Variants in CLDN16 observed in about 807,000 individuals in gnomAD.
CLDN16 encodes claudin 16, also known as claudin-16.
CLDN16 carries 13 observed loss-of-function variants against 24.6 expected under a neutral mutation model. The ratio of observed to expected loss-of-function variants is 0.53; its 90% CI spans 0.34 to 0.84. The LOEUF is 0.84. Ranked by LOEUF, CLDN16 falls within the 40% of genes least tolerant of loss-of-function variation. The probability of loss-of-function intolerance (pLI) is 0.01; values close to 1 mark genes in which losing one functional copy is unlikely to be tolerated. For missense variants in CLDN16, 298 were observed against 292.7 expected (o/e 1.02, Z -0.13); for synonymous variants, 116 against 106.7 (o/e 1.09, Z -0.54).
At chr3:190,353,477 T>C (rs1360576160) in intron 1 of CLDN16, among the ~76,000 whole-genome samples, 1 of 152,060 alleles carries the variant, frequency 6.6e-6, no homozygotes, top group Non-Finnish European at 1.5e-5. Flanking sequence ...CCCAGGAATA[T>C]GTATATTTAA....
chr3:190,408,009 T>C (rs1202036531), intron 3 of CLDN16, among the ~76,000 whole-genome samples: 1 of 152,180 alleles, frequency 6.6e-6, no homozygotes, highest in Non-Finnish European at 1.5e-5. Context: ...TAACATGGCA[T>C]TGGAAAGACA....
chr3:190,342,336 G>A (rs193232327), intron 1 of CLDN16, among the ~76,000 whole-genome samples: 2 of 152,260 alleles, frequency 1.3e-5, no homozygotes, highest in East Asian at 1.9e-4. Flanking sequence ...GAAGGTGAAA[G>A]GCACATCTCA....
chr3:190,294,895 C>G, the CLDN16 span, among the ~76,000 whole-genome samples: 4 of 151,994 alleles, frequency 2.6e-5, no homozygotes, highest in Non-Finnish European at 5.9e-5. Context: ...AAGTTATCAC[C>G]ACATTTTATT....
rs1718274695 is a variant in CLDN16 at position 190,377,686 on chromosome 3, A to G, written n.306+3083A>G. ...GGTTGCCAAAAAATTCCAGTGAAAT[A>G]TAGTTCTTTAAGCCCTTGCTAAGAG... On this transcript the variant is annotated intron_variant and non_coding_transcript_variant, in intron 3 of 4. Coordinates refer to the CLDN16 transcript ENST00000468220. 1.3e-5 allele frequency among the ~76,000 whole-genome samples: 2 copies of G among 152,022 alleles called. 1 individual carries two copies. The highest frequency in any genetic ancestry group is 4.1e-4 in the South Asian group (2 of 4,830).
the CLDN16 span, among the ~76,000 whole-genome samples, chr3:190,298,847 A>C: frequency 6.6e-6 from 1 of 152,174 alleles, no homozygotes; most frequent in African/African-American, 2.4e-5. Flanking sequence ...ACACACCACA[A>C]ATTATTTATC....
rs1184650201 is a variant in CLDN16 at position 190,393,996 on chromosome 3, G to A, written c.114+5553G>A. Among the ~76,000 whole-genome samples the A allele has an allele frequency of 2.3e-4, 35 of 151,970 alleles. 1 individual carries two copies. The highest frequency in any genetic ancestry group is 2.2e-3 in the Admixed American group (34 of 15,256). ...TTGAACTCCTGACCTCAGGTGATCC[G>A]CCCACCTCATCCTCCCAAAGTGCTG... On this transcript the variant is annotated intron_variant, in intron 1 of 4. Coordinates refer to ENST00000264734, the MANE Select transcript of CLDN16 (RefSeq NM_006580.4).
At chr3:190,330,714 A>C (rs1717164872) in intron 1 of CLDN16, among the ~76,000 whole-genome samples, 1 of 152,180 alleles carries the variant, frequency 6.6e-6, no homozygotes, top group Non-Finnish European at 1.5e-5. Flanking sequence ...AATGGGGTGA[A>C]GTGAGAGATT....
chr3:190,305,345 C>G, the CLDN16 span, among the ~76,000 whole-genome samples: 1 of 152,208 alleles, frequency 6.6e-6, no homozygotes, highest in Non-Finnish European at 1.5e-5. Context: ...GGGTTTCCAG[C>G]AGCTGTCTTT....
intron 1 of CLDN16, among the ~76,000 whole-genome samples, chr3:190,369,541 A>G (rs1718090567): frequency 6.6e-6 from 1 of 151,944 alleles, no homozygotes; most frequent in African/African-American, 2.4e-5. Flanking sequence ...ATAATCTGAA[A>G]TGTCTCCATA....
intron 1 of CLDN16, among the ~76,000 whole-genome samples, chr3:190,325,257 G>C (rs573739923): frequency 6.6e-6 from 1 of 152,066 alleles, no homozygotes; most frequent in Non-Finnish European, 1.5e-5. Flanking sequence ...ATAATTTGAC[G>C]CTCGTGTCCA....
rs1257720033 is a variant in CLDN16 at position 190,411,827 on chromosome 3, T to C, written c.*1791T>C. ...AAAAATATTTGCAAATCATACTCATTAGTTATTTGATCATTGTTCTATGCA... is the reference window on the plus strand; with the variant it reads ...AAAAATATTTGCAAATCATACTCATCAGTTATTTGATCATTGTTCTATGCA... On this transcript the variant is annotated 3_prime_UTR_variant, in exon 5 of 5. Coordinates refer to ENST00000264734, the MANE Select transcript of CLDN16 (RefSeq NM_006580.4). 2.0e-5 allele frequency: 3 copies of C among 152,142 alleles called. No homozygotes were observed. Among genetic ancestry groups the C allele is most frequent in the Non-Finnish European group, 4.4e-5 (3 of 67,980 alleles). 9.4% of individuals were successfully genotyped at this position (152,142 alleles called of 1,614,324 possible).
At chr3:190,318,359 C>T (rs1262104058), upstream of CLDN16, among the ~76,000 whole-genome samples, 1 of 152,188 alleles carries the variant, frequency 6.6e-6, no homozygotes, top group African/African-American at 2.4e-5. Context: ...AGCTATGTGA[C>T]TTGCCTCTTC....
intron 1 of CLDN16, among the ~76,000 whole-genome samples, chr3:190,329,772 A>G (rs77391824): frequency 0.049 from 7,432 of 152,228 alleles, 231 homozygotes; most frequent in Admixed American, 0.059. Flanking sequence ...ACCTGATAAG[A>G]CTTGCATTTG....
At chr3:190,321,850 C>G (rs1242978756), upstream of CLDN16, 1 of 721,912 alleles carries the variant, frequency 1.4e-6, no homozygotes, top group African/African-American at 1.8e-5. Flanking sequence ...TTCCTTATGA[C>G]AGAGCACATG....
At chr3:190,367,558 C>A (rs184466837) in intron 1 of CLDN16, among the ~76,000 whole-genome samples, 1 of 151,844 alleles carries the variant, frequency 6.6e-6, no homozygotes, top group African/African-American at 2.4e-5. Context: ...TCATGTTGCC[C>A]AAATGTCCGA....
the CLDN16 span, among the ~76,000 whole-genome samples, chr3:190,303,640 C>A: frequency 6.6e-6 from 1 of 152,112 alleles, no homozygotes. Flanking sequence ...TAAGGACTCT[C>A]CTGAAAATTG....
At chr3:190,403,867 T>A (rs578039836) in intron 2 of CLDN16, among the ~76,000 whole-genome samples, 1 of 152,264 alleles carries the variant, frequency 6.6e-6, no homozygotes, top group South Asian at 2.1e-4. Flanking sequence ...TTTTGTCTAT[T>A]CTAAAAATTC....
the CLDN16 span, among the ~76,000 whole-genome samples, chr3:190,296,954 A>G: frequency 6.6e-6 from 1 of 152,184 alleles, no homozygotes; most frequent in Non-Finnish European, 1.5e-5. Flanking sequence ...CTAGATAGAG[A>G]ATAAACAGTA....
chr3:190,390,838 T>A (rs1003767550), intron 1 of CLDN16, among the ~76,000 whole-genome samples: 1 of 152,128 alleles, frequency 6.6e-6, no homozygotes, highest in Non-Finnish European at 1.5e-5. Flanking sequence ...CAGGATAGAG[T>A]GTACTGGTGT....
Sources: allele counts gnomAD v4.1 joint callset (sites outside exome capture counted in the v4.1 genomes callset), GRCh38; gene constraint gnomAD v4.1.1; transcripts MANE v1.5; gene names NCBI Gene and HGNC (gene_info 2026-07-23, HGNC 2026-07-21).